The following SKAP2 variants were observed in gnomAD, a reference collection of about 807,000 sequenced individuals.
SKAP2 encodes src kinase-associated phosphoprotein 2.
Under a neutral mutation model 54.9 loss-of-function variants are expected in SKAP2, and 28 were observed. The observed-to-expected ratio is 0.51, with a 90% confidence interval of 0.38 to 0.70. The LOEUF (loss-of-function observed/expected upper bound fraction) is 0.70, where lower values mean the gene tolerates loss of function less well. SKAP2 is among the 30% of genes least tolerant of loss of function. The pLI is 0.00. For missense variants in SKAP2, 356 were observed against 424.1 expected, an observed-to-expected ratio of 0.84 and a Z score of 1.41; for synonymous variants, 137 against 134.3, an observed-to-expected ratio of 1.02 and a Z score of -0.14.
intron 7 of SKAP2, 154 bp downstream of exon 7, chr7:26,726,728 C>T (rs1787717620): frequency 5.3e-6 from 3 of 565,270 alleles, no homozygotes; most frequent in Admixed American, 7.8e-5. Flanking sequence ...AAAATTTCCT[C>T]TTATATGAAT....
chr7:26,678,462 G>T (rs1290618809), intron 11 of SKAP2, among the ~76,000 whole-genome samples: 1 of 133,130 alleles, frequency 7.5e-6, no homozygotes, highest in Non-Finnish European at 1.5e-5. Context: ...TTTTTTTTGA[G>T]ATGGAGTCAT....
intron 9 of SKAP2, among the ~76,000 whole-genome samples, chr7:26,692,452 T>A (rs2127941378): frequency 6.6e-6 from 1 of 152,266 alleles, no homozygotes; most frequent in East Asian, 1.9e-4. Context: ...TAAATGGGGA[T>A]GAATCAAAAT....
chr7:26,819,282 G>A (rs542066219), intron 4 of SKAP2, among the ~76,000 whole-genome samples: 108 of 152,260 alleles, frequency 7.1e-4, no homozygotes, highest in African/African-American at 2.6e-3. Flanking sequence ...GGACATGGAT[G>A]AAGCTGGAAA....
chr7:26,732,911 A>G (rs1263250682), intron 6 of SKAP2, among the ~76,000 whole-genome samples: 1 of 152,216 alleles, frequency 6.6e-6, no homozygotes, highest in Non-Finnish European at 1.5e-5. Context: ...ATGAAATCCT[A>G]CTAAACATCA....
intron 1 of SKAP2, chr7:26,855,131 A>G (rs1785133092): frequency 3.8e-6 from 1 of 261,028 alleles, no homozygotes; most frequent in Admixed American, 5.2e-5. Context: ...AGCAAATACT[A>G]TTTGGATGTT....
downstream of SKAP2, among the ~76,000 whole-genome samples, chr7:26,664,325 A>AGTAAAT (rs1398440431): frequency 6.6e-6 from 1 of 152,228 alleles, no homozygotes; most frequent in African/African-American, 2.4e-5. Flanking sequence ...GTAAACACTC[A>AGTAAAT]GTAAATGTTA....
rs535820408 is a variant in SKAP2 at position 26,745,830 on chromosome 7, T to A, written c.308-5866A>T. 5.3e-5 allele frequency among the ~76,000 whole-genome samples: 8 copies of A among 152,134 alleles called. No individual in the cohort carries two copies. The South Asian group carries it at 1.0e-3, about 20-fold the overall frequency. On this transcript the variant is annotated intron_variant, in intron 4 of 12. Coordinates refer to ENST00000345317, the MANE Select transcript of SKAP2 (RefSeq NM_003930.5). ...ATGCCTGGATAATAGACCCATTTTT[T>A]AAAAAAAGTATTTACCCACTTAATG...
intron 4 of SKAP2, among the ~76,000 whole-genome samples, chr7:26,755,655 A>G (rs1489811285): frequency 6.6e-6 from 1 of 152,154 alleles, no homozygotes; most frequent in Non-Finnish European, 1.5e-5. Context: ...TCTTCTCTTC[A>G]CTGCTGTATC....
At chr7:26,846,530 C>A (rs1784924930) in intron 3 of SKAP2, among the ~76,000 whole-genome samples, 1 of 151,924 alleles carries the variant, frequency 6.6e-6, no homozygotes. Context: ...ACATACATAT[C>A]AACAGTTCAT....
In SKAP2 at chr7:26,690,364, T is replaced by G. The variant is rs903726963; in HGVS notation, c.797-2A>C. 6.2e-7 allele frequency: 1 copy of G among 1,601,876 alleles called. No individual in the cohort carries two copies. The highest frequency in any genetic ancestry group is 8.6e-7 in the Non-Finnish European group (1 of 1,168,956). ...CTGGAGCACTGTCCTCTTCTTCTTC[T>G]GTAAATAAACATTATCAATGGCACA... On this transcript the variant is annotated splice_acceptor_variant, in intron 9 of 12. Coordinates refer to ENST00000345317, the MANE Select transcript of SKAP2 (RefSeq NM_003930.5). LOFTEE classifies it high-confidence loss of function.
At chr7:26,699,026 T>C (rs548715215) in intron 9 of SKAP2, among the ~76,000 whole-genome samples, 1 of 152,292 alleles carries the variant, frequency 6.6e-6, no homozygotes, top group Admixed American at 6.5e-5. Context: ...ACTAGTATTT[T>C]CCAACTGACC....
intron 4 of SKAP2, among the ~76,000 whole-genome samples, chr7:26,762,573 C>A (rs1047461770): frequency 2.0e-5 from 3 of 151,978 alleles, no homozygotes; most frequent in Non-Finnish European, 4.4e-5. Flanking sequence ...CGCGGTGGCT[C>A]ATGCCTGTAA....
intron 3 of SKAP2, among the ~76,000 whole-genome samples, chr7:26,845,739 C>A (rs1458307240): frequency 6.6e-6 from 1 of 152,090 alleles, no homozygotes; most frequent in Non-Finnish European, 1.5e-5. Flanking sequence ...AGACACCAGG[C>A]TGGGCAACAT....
chr7:26,783,185 A>G (rs1158874248), intron 4 of SKAP2, among the ~76,000 whole-genome samples: 2 of 152,138 alleles, frequency 1.3e-5, no homozygotes, highest in Non-Finnish European at 2.9e-5. Flanking sequence ...ATCATTCCCC[A>G]TGAATTTGCC....
In SKAP2 at chr7:26,844,141, T is replaced by TA; in HGVS notation, c.200-5_200-4insT. The TA allele has an allele frequency of 6.6e-7, 1 of 1,524,702 alleles. No homozygotes were observed. The highest frequency in any genetic ancestry group is 1.8e-5 in the Admixed American group (1 of 54,206). The allele number at this position is 1,524,702 out of a possible 1,614,324, so 94.4% of individuals were successfully genotyped here. ...TCTTCCCCATCTTCTGCATCACCTG[T>TA]TAAAAAAAAAAAAAATCAGAGAACT... On this transcript the variant is annotated splice_region_variant and splice_polypyrimidine_tract_variant and intron_variant, in intron 3 of 12. Transcript: ENST00000345317.
At chr7:26,659,131 ATTTTGCCGTTTTATC>A in the SKAP2 span, among the ~76,000 whole-genome samples, 1 of 152,096 alleles carries the variant, frequency 6.6e-6, no homozygotes, top group Middle Eastern at 3.2e-3. Context: ...AAATTATTGC[ATTTTGCCGTTTTATC>A]TTTTGCTTCT....
chr7:26,815,959 G>C (rs960028983), intron 4 of SKAP2, among the ~76,000 whole-genome samples: 2 of 151,938 alleles, frequency 1.3e-5, no homozygotes, highest in Admixed American at 6.6e-5. Context: ...TTAAAAATCA[G>C]GCTTTTAAAA....
chr7:26,670,432 A>C (rs536899740), intron 11 of SKAP2, among the ~76,000 whole-genome samples: 1 of 152,192 alleles, frequency 6.6e-6, no homozygotes, highest in Non-Finnish European at 1.5e-5. Context: ...ACAATCACTC[A>C]TGATGAAAAC....
At chr7:26,821,952 T>C (rs1355548977) in intron 4 of SKAP2, among the ~76,000 whole-genome samples, 2 of 152,180 alleles carry the variant, frequency 1.3e-5, no homozygotes, top group Non-Finnish European at 2.9e-5. Flanking sequence ...TCCTTACAAC[T>C]CTTATCTCTG....
Sources: allele counts gnomAD v4.1 joint callset (sites outside exome capture counted in the v4.1 genomes callset), GRCh38; gene constraint gnomAD v4.1.1; transcripts MANE v1.5; gene names NCBI Gene and HGNC (gene_info 2026-07-23, HGNC 2026-07-21).